The following MAN1C1 variants were observed in gnomAD, a reference collection of about 807,000 sequenced individuals.
The protein encoded by MAN1C1 is mannosyl-oligosaccharide 1,2-alpha-mannosidase IC.
Under a neutral mutation model 71.5 loss-of-function variants are expected in MAN1C1, and 49 were observed. That is an observed-to-expected ratio of 0.69 (90% CI 0.54 to 0.87). The LOEUF (loss-of-function observed/expected upper bound fraction) is 0.87. Among genes scored for constraint, MAN1C1 ranks in the 40% least tolerant of loss-of-function variants. The pLI, the probability that MAN1C1 is intolerant of heterozygous loss-of-function variation, is 0.00. For missense variants in MAN1C1, 743 were observed against 835.0 expected (o/e 0.89, Z 1.36); for synonymous variants, 352 against 343.7 (o/e 1.02, Z -0.27).
intron 10 of MAN1C1, among the ~76,000 whole-genome samples, chr1:25,781,755 C>A (rs1282673930): frequency 6.6e-6 from 1 of 152,018 alleles, no homozygotes; most frequent in Non-Finnish European, 1.5e-5. Flanking sequence ...AGGGCATGCT[C>A]AGGTTTACTG....
chr1:25,740,743 A>AT lies in MAN1C1; in HGVS notation c.638-5919dup. On this transcript the variant is annotated intron_variant, in intron 2 of 11. Transcript: ENST00000374332. Reference sequence around the variant, plus strand: ...GAGCCACCGCGCCCGGCTGACTTGAATTTTTTAAAAAATCTCTCTGGCTGC... The same window carrying AT: ...GAGCCACCGCGCCCGGCTGACTTGAATTTTTTTAAAAAATCTCTCTGGCTGC... 2.0e-5 allele frequency among the ~76,000 whole-genome samples: 3 copies of AT among 151,880 alleles called. No homozygotes were observed. The Middle Eastern group carries it at 0.01, about 520-fold the overall frequency.
chr1:25,638,389 G>C (rs1284030561), intron 1 of MAN1C1, among the ~76,000 whole-genome samples: 1 of 151,994 alleles, frequency 6.6e-6, no homozygotes, highest in Non-Finnish European at 1.5e-5. Flanking sequence ...CAATACATTG[G>C]TATTATTTTT....
chr1:25,710,233 T>G (rs2046596018), intron 2 of MAN1C1: 1 of 152,238 alleles, frequency 6.6e-6, no homozygotes, highest in South Asian at 2.1e-4. Flanking sequence ...TTTATTGACC[T>G]TGGGTAAATT....
intron 1 of MAN1C1, among the ~76,000 whole-genome samples, chr1:25,677,990 A>G (rs12067846): frequency 0.075 from 11,217 of 150,232 alleles, 1,367 homozygotes; most frequent in African/African-American, 0.25. Flanking sequence ...AACAACCTGT[A>G]TTTTTCACAT....
chr1:25,629,456 G>T (rs1287465092), intron 1 of MAN1C1, among the ~76,000 whole-genome samples: 1 of 151,940 alleles, frequency 6.6e-6, no homozygotes, highest in African/African-American at 2.4e-5. Flanking sequence ...TTTATTTTGA[G>T]ACAGGGTCTC....
At chr1:25,713,262 G>GGA (rs2046637900) in intron 2 of MAN1C1, among the ~76,000 whole-genome samples, 1 of 152,206 alleles carries the variant, frequency 6.6e-6, no homozygotes, top group Admixed American at 6.5e-5. Flanking sequence ...ACAAGGAGAT[G>GGA]GAGGGATGTG....
chr1:25,683,037 CAAAA>C (rs1181300274), intron 1 of MAN1C1, among the ~76,000 whole-genome samples: 4 of 98,156 alleles, frequency 4.1e-5, no homozygotes, highest in Non-Finnish European at 2.1e-5. Context: ...GACTCCATCT[CAAAA>C]AAAAAAAAAA....
chr1:25,656,828 CTT>C (rs34652808), intron 1 of MAN1C1, among the ~76,000 whole-genome samples: 97 of 140,700 alleles, frequency 6.9e-4, no homozygotes, highest in Admixed American at 1.6e-3. Context: ...AACCTTGCGT[CTT>C]TTTTTTTTTT....
Position 25,782,508 on chromosome 1 carries a change from C to T in MAN1C1, c.1651-77C>T. 1.1e-6 allele frequency: 1 copy of T among 931,648 alleles called. No homozygotes were observed. The highest frequency in any genetic ancestry group is 1.4e-5 in the South Asian group (1 of 71,612). The allele number at this position is 931,648 out of a possible 1,614,324, so 57.7% of individuals were successfully genotyped here. A position where few individuals can be genotyped will look rare whatever the true frequency, so the allele number is the denominator to read the frequency against. On this transcript the variant is annotated intron_variant, in intron 10 of 11. Transcript: ENST00000374332. This position sits in a 1 kb window ranked among gnomAD's most constrained non-coding sequence, Gnocchi z 4.4. ...CTGCTTTCTTCTAGCTCCAGCCTGC[C>T]AGGCATGCACAAGTCTTGAGGGGCC...
intron 1 of MAN1C1, among the ~76,000 whole-genome samples, chr1:25,662,387 A>G (rs2045861515): frequency 1.3e-5 from 2 of 152,194 alleles, no homozygotes; most frequent in African/African-American, 4.8e-5. Flanking sequence ...AGGTGCGGCT[A>G]GACAACACCT....
chr1:25,774,264 T>C (rs1441398591), intron 8 of MAN1C1, among the ~76,000 whole-genome samples: 1 of 152,152 alleles, frequency 6.6e-6, no homozygotes, highest in East Asian at 1.9e-4. Context: ...CCCCTGAGTG[T>C]CACGGCAGGA....
chr1:25,623,783 G>A (rs532088256), intron 1 of MAN1C1, among the ~76,000 whole-genome samples: 1 of 152,334 alleles, frequency 6.6e-6, no homozygotes, highest in East Asian at 1.9e-4. Flanking sequence ...TGTGTTAGAG[G>A]AAGTGTTGGG....
intron 2 of MAN1C1, among the ~76,000 whole-genome samples, chr1:25,718,256 T>C (rs1263982699): frequency 6.6e-6 from 1 of 152,138 alleles, no homozygotes; most frequent in Non-Finnish European, 1.5e-5. Flanking sequence ...CCCCACTACC[T>C]GTGTAAACCT....
chr1:25,767,488 C>T (rs1482860195), intron 7 of MAN1C1, among the ~76,000 whole-genome samples: 2 of 138,256 alleles, frequency 1.4e-5, no homozygotes, highest in Admixed American at 7.5e-5. Context: ...CCCTCACATA[C>T]ATCCACACTT....
At chr1:25,668,490 G>A (rs889775316) in intron 1 of MAN1C1, among the ~76,000 whole-genome samples, 1 of 152,112 alleles carries the variant, frequency 6.6e-6, no homozygotes. Flanking sequence ...AGAAAAGAAC[G>A]GTTAACATGC....
At chr1:25,716,125 G>T (rs1191398424) in intron 2 of MAN1C1, among the ~76,000 whole-genome samples, 2 of 152,184 alleles carry the variant, frequency 1.3e-5, no homozygotes, top group Non-Finnish European at 2.9e-5. Context: ...GAATCCCATT[G>T]GCCAGAACTC....
chr1:25,689,102 A>G (rs2046272528), intron 2 of MAN1C1, among the ~76,000 whole-genome samples: 1 of 152,162 alleles, frequency 6.6e-6, no homozygotes, highest in Admixed American at 6.5e-5. Flanking sequence ...CCTTCACTCC[A>G]TATGTAACTT....
intron 2 of MAN1C1, among the ~76,000 whole-genome samples, chr1:25,741,417 A>C (rs2047062823): frequency 6.6e-6 from 1 of 152,200 alleles, no homozygotes. Context: ...GGAAGAAGCC[A>C]TCCCAGGGTA....
chr1:25,758,960 G>T (rs2047325988), intron 6 of MAN1C1: 1 of 484,676 alleles, frequency 2.1e-6, no homozygotes, highest in South Asian at 2.5e-5. Context: ...TTCTGCCGGG[G>T]AAAAGGTTCT....
Sources: gnomAD v4.1 joint callset for allele counts (sites outside exome capture counted in the v4.1 genomes callset) on GRCh38, gnomAD v4.1.1 for gene constraint, Gnocchi (gnomAD v3.1) non-coding constraint, MANE v1.5 for transcripts, NCBI Gene and HGNC (gene_info 2026-07-23, HGNC 2026-07-21) for gene names.